NTM: variants seen among roughly 807,000 people sequenced by gnomAD.
The protein encoded by NTM is IgLON family member 2.
Under a neutral mutation model 42.1 loss-of-function variants are expected in NTM, and 13 were observed. That is an observed-to-expected ratio of 0.31 (90% CI 0.20 to 0.49). NTM has a LOEUF of 0.49. Ranked by LOEUF, NTM falls within the 20% of genes least tolerant of loss-of-function variation. The pLI is 0.99. For missense variants in NTM, 373 were observed against 452.8 expected, an observed-to-expected ratio of 0.82 and a Z score of 1.60; for synonymous variants, 187 against 179.2, an observed-to-expected ratio of 1.04 and a Z score of -0.35.
chr11:131,605,696 G>A (rs904268145), intron 1 of NTM: 13 of 665,190 alleles, frequency 2.0e-5, no homozygotes, highest in Admixed American at 6.3e-5. Flanking sequence ...CCCTTTATCA[G>A]GGTGAGGACG....
intron 2 of NTM, among the ~76,000 whole-genome samples, chr11:132,084,313 C>T (rs2059438588): frequency 6.6e-6 from 1 of 151,940 alleles, no homozygotes; most frequent in Admixed American, 6.6e-5. Context: ...TACTTAACAC[C>T]CTTAATTATG....
At chr11:131,451,583 T>G (rs767958302) in intron 1 of NTM, among the ~76,000 whole-genome samples, 4 of 152,042 alleles carry the variant, frequency 2.6e-5, no homozygotes, top group Non-Finnish European at 2.9e-5. Context: ...GATTCAGAAA[T>G]GGGCATGGTC....
intron 3 of NTM, among the ~76,000 whole-genome samples, chr11:132,207,581 G>T (rs887493657): frequency 1.3e-5 from 2 of 152,114 alleles, no homozygotes; most frequent in South Asian, 4.2e-4. Context: ...CGCATCCCCA[G>T]TTCATGGAAA....
At chr11:132,264,463 T>A (rs1435170386) in intron 4 of NTM, among the ~76,000 whole-genome samples, 6 of 152,368 alleles carry the variant, frequency 3.9e-5, no homozygotes, top group African/African-American at 7.2e-5. Context: ...TCTTGTCTTT[T>A]ACTTTATTTT....
intron 1 of NTM, among the ~76,000 whole-genome samples, chr11:131,883,586 C>A (rs906030730): frequency 6.6e-6 from 1 of 152,102 alleles, no homozygotes; most frequent in Non-Finnish European, 1.5e-5. Flanking sequence ...TTTCTTTTTG[C>A]GACACAACTA....
intron 2 of NTM, among the ~76,000 whole-genome samples, chr11:132,044,070 G>GTGTT (rs2077585007): frequency 2.0e-5 from 2 of 99,648 alleles, no homozygotes; most frequent in African/African-American, 5.4e-5. Flanking sequence ...GTGTGTGTAT[G>GTGTT]TGTATGTGTT....
chr11:132,047,795 A>C (rs1486383364), intron 2 of NTM, among the ~76,000 whole-genome samples: 1 of 152,180 alleles, frequency 6.6e-6, no homozygotes, highest in East Asian at 1.9e-4. Context: ...CTCTAAATCA[A>C]GAGTAGGGTC....
intron 2 of NTM, among the ~76,000 whole-genome samples, chr11:132,025,354 C>T (rs2075027674): frequency 6.6e-6 from 1 of 152,188 alleles, no homozygotes; most frequent in Non-Finnish European, 1.5e-5. Context: ...GTCTTAGTGC[C>T]TGGGCTTGAA....
At chr11:132,054,868 A>G (rs950370921) in intron 2 of NTM, among the ~76,000 whole-genome samples, 11 of 152,176 alleles carry the variant, frequency 7.2e-5, no homozygotes, top group Admixed American at 1.3e-4. Flanking sequence ...TGGAATTGAG[A>G]TGGAGGACAT....
intron 2 of NTM, among the ~76,000 whole-genome samples, chr11:131,998,533 C>T (rs937217122): frequency 5.3e-5 from 8 of 152,174 alleles, no homozygotes; most frequent in South Asian, 2.1e-4. Flanking sequence ...CATTTTACCA[C>T]GTAGCTGGTT....
At chr11:132,191,202 G>A (rs1175671260) in intron 3 of NTM, among the ~76,000 whole-genome samples, 1 of 152,146 alleles carries the variant, frequency 6.6e-6, no homozygotes, top group Non-Finnish European at 1.5e-5. Flanking sequence ...TGTTGCTGGT[G>A]GTCTGGGAGC....
At chr11:131,439,205 A>C (rs1424611838) in intron 1 of NTM, among the ~76,000 whole-genome samples, 1 of 152,082 alleles carries the variant, frequency 6.6e-6, no homozygotes, top group African/African-American at 2.4e-5. Flanking sequence ...ATCTGCCTGT[A>C]TGAGGTGTCA....
chr11:131,779,051 T>G (rs2135988186), intron 1 of NTM, among the ~76,000 whole-genome samples: 1 of 152,350 alleles, frequency 6.6e-6, no homozygotes, highest in Middle Eastern at 3.4e-3. Context: ...GGCACCATTG[T>G]GGACTGCCGA....
At chr11:132,071,502 T>C (rs1447276760) in intron 2 of NTM, among the ~76,000 whole-genome samples, 1 of 152,268 alleles carries the variant, frequency 6.6e-6, no homozygotes, top group East Asian at 1.9e-4. Context: ...AGTAGAATGT[T>C]CCCTTCCTAT....
At chr11:131,388,964 A>G (rs1339072274) in intron 1 of NTM, among the ~76,000 whole-genome samples, 1 of 146,630 alleles carries the variant, frequency 6.8e-6, no homozygotes, top group Non-Finnish European at 1.5e-5. Flanking sequence ...GTGAGACAAG[A>G]TCATGCCAAT....
At chr11:132,150,879 A>G (rs530934011) in intron 3 of NTM, among the ~76,000 whole-genome samples, 51 of 152,318 alleles carry the variant, frequency 3.3e-4, no homozygotes, top group Admixed American at 1.2e-3. Flanking sequence ...AGCAGAGGGG[A>G]ATGAGTTCAG....
At chr11:132,330,084 T>C in intron 7 of NTM, 69 bp from the exon 8 acceptor site, 1 of 1,544,976 alleles carries the variant, frequency 6.5e-7, no homozygotes, top group Non-Finnish European at 8.7e-7. Context: ...CCTGAAATCA[T>C]CTGAGGGCAA....
chr11:132,229,541 T>G (rs768469172), intron 4 of NTM, among the ~76,000 whole-genome samples: 4 of 152,230 alleles, frequency 2.6e-5, no homozygotes, highest in Non-Finnish European at 5.9e-5. Flanking sequence ...TATGTTCATT[T>G]GATTCCAACA....
At chr11:131,379,034 A>T (rs1325709612) in intron 1 of NTM, among the ~76,000 whole-genome samples, 1 of 152,224 alleles carries the variant, frequency 6.6e-6, no homozygotes, top group East Asian at 1.9e-4. Context: ...TCTAAGAGGC[A>T]CATTAGAACA....
Sources: gnomAD v4.1 joint callset for allele counts (sites outside exome capture counted in the v4.1 genomes callset) on GRCh38, gnomAD v4.1.1 for gene constraint, MANE v1.5 for transcripts, NCBI Gene and HGNC (gene_info 2026-07-23, HGNC 2026-07-21) for gene names.